CADM1: variants seen among roughly 807,000 people sequenced by gnomAD.
CADM1 encodes TSLC-1.
In CADM1, 15 loss-of-function variants were observed where a neutral mutation model predicts 53.1. The ratio of observed to expected loss-of-function variants is 0.28; its 90% CI spans 0.19 to 0.44. The LOEUF (loss-of-function observed/expected upper bound fraction) is 0.44, where lower values mean the gene tolerates loss of function less well. Ranked by LOEUF, CADM1 falls within the 20% of genes least tolerant of loss-of-function variation. CADM1 has a pLI of 1.00. For synonymous variants in CADM1, 281 were observed against 243.0 expected (o/e 1.16, Z -1.45); for missense variants, 434 against 611.3 (o/e 0.71, Z 3.06).
At chr11:115,452,544 G>C (rs1219167107) in intron 1 of CADM1, among the ~76,000 whole-genome samples, 1 of 152,202 alleles carries the variant, frequency 6.6e-6, no homozygotes, top group African/African-American at 2.4e-5. Context: ...ATTCGGACCA[G>C]AGAGTTATAT....
intron 1 of CADM1, among the ~76,000 whole-genome samples, chr11:115,261,808 C>T (rs1377061107): frequency 6.7e-6 from 1 of 148,980 alleles, no homozygotes; most frequent in Non-Finnish European, 1.5e-5. Context: ...TTGACAGAGT[C>T]TCACTCTGTT....
chr11:115,436,878 A>C (rs1948196086), intron 1 of CADM1, among the ~76,000 whole-genome samples: 1 of 152,210 alleles, frequency 6.6e-6, no homozygotes, highest in African/African-American at 2.4e-5. Flanking sequence ...TCAGTAAATA[A>C]ATGAAAGCTG....
chr11:115,264,225 A>C (rs1943062534), intron 1 of CADM1, among the ~76,000 whole-genome samples: 1 of 152,176 alleles, frequency 6.6e-6, no homozygotes, highest in South Asian at 2.1e-4. Context: ...AAAGGAGGAG[A>C]CCCTGATGAA....
intron 1 of CADM1, among the ~76,000 whole-genome samples, chr11:115,372,493 A>C (rs1946332650): frequency 6.6e-6 from 1 of 152,160 alleles, no homozygotes; most frequent in Non-Finnish European, 1.5e-5. Flanking sequence ...CTGAAGTTCC[A>C]TTTTGCATCA....
At chr11:115,256,839 A>G (rs1035370984) in intron 1 of CADM1, 1 of 455,958 alleles carries the variant, frequency 2.2e-6, no homozygotes, top group Non-Finnish European at 4.4e-6. Context: ...TACCACTGGT[A>G]TGTCCAGATG....
At chr11:115,203,142 G>A (rs2134701093) in intron 8 of CADM1, among the ~76,000 whole-genome samples, 1 of 149,682 alleles carries the variant, frequency 6.7e-6, no homozygotes, top group South Asian at 2.1e-4. Flanking sequence ...AGCAACGGGG[G>A]ATGATTTTTT....
chr11:115,344,531 G>C (rs553384909), intron 1 of CADM1, among the ~76,000 whole-genome samples: 2 of 152,128 alleles, frequency 1.3e-5, no homozygotes, highest in South Asian at 4.2e-4. Context: ...ACCACTAACT[G>C]TTCATAGAAC....
intron 1 of CADM1, among the ~76,000 whole-genome samples, chr11:115,438,522 T>C (rs1169899475): frequency 2.7e-5 from 4 of 147,926 alleles, no homozygotes; most frequent in African/African-American, 9.7e-5. Flanking sequence ...CTTTGGGAAA[T>C]GTAAAAAAAA....
intron 1 of CADM1, among the ~76,000 whole-genome samples, chr11:115,345,143 C>T (rs2135254719): frequency 6.6e-6 from 1 of 152,276 alleles, no homozygotes; most frequent in Non-Finnish European, 1.5e-5. Context: ...GGGGCTGAGG[C>T]TCTTCTGCAC....
At chr11:115,192,613 C>G (rs1171266913) in intron 9 of CADM1, among the ~76,000 whole-genome samples, 1 of 152,178 alleles carries the variant, frequency 6.6e-6, no homozygotes, top group African/African-American at 2.4e-5. Context: ...TCACTTCTAC[C>G]TGGCCCAACA....
chr11:115,445,776 C>T (rs777563590), intron 1 of CADM1: 3 of 453,526 alleles, frequency 6.6e-6, no homozygotes, highest in South Asian at 4.7e-5. Context: ...CACGGGAAGG[C>T]CGAGGCTGCA....
At chr11:115,393,589 T>A (rs190118019) in intron 1 of CADM1, among the ~76,000 whole-genome samples, 15 of 151,710 alleles carry the variant, frequency 9.9e-5, no homozygotes, top group Non-Finnish European at 1.6e-4. Context: ...TAGCATTTTT[T>A]AAAAACAGAA....
intron 1 of CADM1, among the ~76,000 whole-genome samples, chr11:115,310,033 G>A (rs1944488794): frequency 6.6e-6 from 1 of 152,036 alleles, no homozygotes; most frequent in South Asian, 2.1e-4. Flanking sequence ...TTTGGCAAAT[G>A]TACTATTCAA....
intron 1 of CADM1, among the ~76,000 whole-genome samples, chr11:115,410,622 A>G (rs1446506448): frequency 3.3e-5 from 5 of 152,216 alleles, no homozygotes; most frequent in Non-Finnish European, 7.3e-5. Flanking sequence ...GACGGCAAAA[A>G]AAGCAGAAAG....
intron 11 of CADM1, 45 bp from the exon 12 acceptor site, chr11:115,176,637 T>G (rs1350089264): frequency 6.6e-7 from 1 of 1,504,730 alleles, no homozygotes; most frequent in East Asian, 2.3e-5. Flanking sequence ...TGATGGCCTC[T>G]GTGTAAAGTG....
chr11:115,209,700 CACA>C, intron 7 of CADM1, 43 bp from the exon 8 acceptor site: 2 of 1,607,944 alleles, frequency 1.2e-6, no homozygotes, highest in South Asian at 2.2e-5. Flanking sequence ...CAATGCTGAA[CACA>C]ACAATGACCA....
intron 5 of CADM1, among the ~76,000 whole-genome samples, chr11:115,228,822 G>A (rs1306667052): frequency 6.6e-6 from 1 of 152,068 alleles, no homozygotes; most frequent in Non-Finnish European, 1.5e-5. Context: ...TTTTGCAGTT[G>A]GCATAGAAAT....
chr11:115,382,001 C>T (rs1946590919), intron 1 of CADM1, among the ~76,000 whole-genome samples: 1 of 152,100 alleles, frequency 6.6e-6, no homozygotes, highest in Non-Finnish European at 1.5e-5. Flanking sequence ...CCCGCCACCA[C>T]ACCGGGCTAG....
chr11:115,326,572 A>T (rs1479205134), intron 1 of CADM1, among the ~76,000 whole-genome samples: 1 of 152,204 alleles, frequency 6.6e-6, no homozygotes, highest in Non-Finnish European at 1.5e-5. Context: ...CCCAGCATTT[A>T]AAAATCCATT....
Sources: allele counts gnomAD v4.1 joint callset (sites outside exome capture counted in the v4.1 genomes callset), GRCh38; gene constraint gnomAD v4.1.1; transcripts MANE v1.5; gene names NCBI Gene and HGNC (gene_info 2026-07-23, HGNC 2026-07-21).